Variants in LMO7 observed in about 807,000 individuals in gnomAD.
The protein encoded by LMO7 is LIM domain 7, also known as LIM domain only protein 7.
In LMO7, 120 loss-of-function variants were observed where a neutral mutation model predicts 206.5. The observed-to-expected ratio is 0.58, with a 90% CI of 0.50 to 0.68. LMO7 has a LOEUF of 0.68. Among genes scored for constraint, LMO7 ranks in the 30% least tolerant of loss-of-function variants. The pLI is 0.00. For missense variants in LMO7, 1,959 were observed against 1,957.9 expected (o/e 1.00, Z -0.01); for synonymous variants, 706 against 681.5 (o/e 1.04, Z -0.56).
intron 1 of LMO7, among the ~76,000 whole-genome samples, chr13:75,649,507 AC>A (rs1310165477): frequency 2.0e-5 from 3 of 152,216 alleles, no homozygotes; most frequent in African/African-American, 7.2e-5. Context: ...AAACTTGGCA[AC>A]AGAGTAATCT....
intron 4 of LMO7, among the ~76,000 whole-genome samples, chr13:75,791,565 A>G (rs1447598004): frequency 1.3e-5 from 2 of 152,190 alleles, no homozygotes; most frequent in Non-Finnish European, 2.9e-5. Flanking sequence ...GTGCTTGCCA[A>G]GTGGTAGACC....
At chr13:75,659,562 T>G (rs2038378406) in intron 1 of LMO7, among the ~76,000 whole-genome samples, 1 of 148,762 alleles carries the variant, frequency 6.7e-6, no homozygotes, top group Admixed American at 7.1e-5. Context: ...CCCTGATAAA[T>G]CCATCATATC....
At chr13:75,690,745 G>A (rs9573615) in intron 1 of LMO7, among the ~76,000 whole-genome samples, 1 of 152,138 alleles carries the variant, frequency 6.6e-6, no homozygotes, top group South Asian at 2.1e-4. Flanking sequence ...CTCTAGTTTG[G>A]TCACCCTTAG....
intron 1 of LMO7, among the ~76,000 whole-genome samples, chr13:75,677,166 G>T (rs2040083726): frequency 6.6e-6 from 1 of 152,174 alleles, no homozygotes; most frequent in African/African-American, 2.4e-5. Flanking sequence ...TATTTGGGGT[G>T]ATGGCCTGGA....
At chr13:75,721,560 A>C (rs1255495054) in intron 2 of LMO7, among the ~76,000 whole-genome samples, 4 of 152,148 alleles carry the variant, frequency 2.6e-5, no homozygotes, top group Non-Finnish European at 5.9e-5. Context: ...GTTTTGTTTA[A>C]CAAAATTGGT....
intron 1 of LMO7, among the ~76,000 whole-genome samples, chr13:75,696,740 A>AG (rs1192419014): frequency 1.3e-5 from 2 of 152,250 alleles, no homozygotes; most frequent in East Asian, 3.9e-4. Context: ...TCCTGTCCAC[A>AG]GGGCAGGCGT....
chr13:75,719,687 C>G (rs539029249), intron 2 of LMO7, among the ~76,000 whole-genome samples: 4 of 152,154 alleles, frequency 2.6e-5, no homozygotes, highest in Admixed American at 1.3e-4. Context: ...CTGAGGCCTC[C>G]CAGTCATGCC....
intron 9 of LMO7, chr13:75,806,375 C>A: frequency 2.8e-6 from 1 of 362,724 alleles, no homozygotes; most frequent in Non-Finnish European, 3.8e-6. Context: ...GGAAACCTGA[C>A]TCACTTAGTG....
intron 1 of LMO7, among the ~76,000 whole-genome samples, chr13:75,645,318 C>G (rs944022513): frequency 1.7e-4 from 26 of 152,202 alleles, no homozygotes; most frequent in African/African-American, 6.0e-4. Context: ...GAAATTTGAT[C>G]TAGATGTGTG....
chr13:75,823,457 TG>T (rs2057801705), intron 14 of LMO7, 107 bp from the exon 15 acceptor site: 1 of 809,836 alleles, frequency 1.2e-6, no homozygotes, highest in East Asian at 2.7e-5. Context: ...TATGTTACTG[TG>T]GGAGGTATGT....
At chr13:75,808,323 C>A in intron 10 of LMO7, 124 bp downstream of exon 10, 2 of 1,132,514 alleles carry the variant, frequency 1.8e-6, no homozygotes, top group South Asian at 1.7e-5. Flanking sequence ...TGAAGCATCC[C>A]GTAAAATTTA....
intron 2 of LMO7, among the ~76,000 whole-genome samples, chr13:75,629,691 G>A (rs1428097390): frequency 1.3e-5 from 2 of 152,182 alleles, no homozygotes; most frequent in African/African-American, 2.4e-5. Context: ...GGGGTTAATT[G>A]GGGCAGGAGT....
At chr13:75,711,705 G>T (rs1366811195) in intron 1 of LMO7, among the ~76,000 whole-genome samples, 1 of 152,184 alleles carries the variant, frequency 6.6e-6, no homozygotes, top group Non-Finnish European at 1.5e-5. Context: ...CGTCGCTCAC[G>T]CTGGGAGCTG....
At chr13:75,649,274 C>T (rs1187070116) in intron 1 of LMO7, among the ~76,000 whole-genome samples, 1 of 152,082 alleles carries the variant, frequency 6.6e-6, no homozygotes, top group Non-Finnish European at 1.5e-5. Context: ...GACCATATTG[C>T]ATATCAGAGG....
intron 28 of LMO7, among the ~76,000 whole-genome samples, chr13:75,853,700 G>C (rs1339448221): frequency 2.0e-5 from 3 of 152,102 alleles, no homozygotes; most frequent in African/African-American, 7.2e-5. Context: ...TTCTCAGTGT[G>C]GAATCATGAA....
At chr13:75,673,145 C>T (rs994991566) in intron 1 of LMO7, among the ~76,000 whole-genome samples, 1 of 152,134 alleles carries the variant, frequency 6.6e-6, no homozygotes. Flanking sequence ...GCATGAGCAA[C>T]GGGTCTATTT....
chr13:75,785,863 T>C (rs1044803628), intron 4 of LMO7, among the ~76,000 whole-genome samples: 2 of 152,262 alleles, frequency 1.3e-5, no homozygotes, highest in Non-Finnish European at 2.9e-5. Flanking sequence ...TATATTGGTT[T>C]TGAGCATGGG....
chr13:75,703,736 G>A (rs2042447477), intron 1 of LMO7, among the ~76,000 whole-genome samples: 1 of 150,122 alleles, frequency 6.7e-6, no homozygotes, highest in Admixed American at 6.6e-5. Flanking sequence ...GTGTGTGTGT[G>A]TGTGCACTGT....
At position 75,727,141 on chromosome 13, in the gene LMO7, G is replaced by A. The variant is rs377001128; in HGVS notation, c.210+43G>A. 1.7e-5 allele frequency: 22 copies of A among 1,284,658 alleles called. No individual in the cohort carries two copies. The African/African-American group carries it at 2.9e-4, about 17-fold the overall frequency. The allele number at this position is 1,284,658 out of a possible 1,614,324, so 79.6% of individuals were successfully genotyped here. On this transcript the variant is annotated intron_variant, in intron 3 of 30. Coordinates refer to ENST00000377534, the MANE Select transcript of LMO7 (RefSeq NM_001306080.2). ...TTCACAACTAAATTTATTTGTCTTT[G>A]AAATGTAAAGAGGTGGGCATAGGCA... is the stretch of plus-strand genomic sequence containing the variant.
Sources: allele counts gnomAD v4.1 joint callset (sites outside exome capture counted in the v4.1 genomes callset), GRCh38; gene constraint gnomAD v4.1.1; transcripts MANE v1.5; gene names NCBI Gene and HGNC (gene_info 2026-07-23, HGNC 2026-07-21).